The following UBR4 variants were observed in gnomAD, a reference collection of about 807,000 sequenced individuals.
UBR4 encodes the protein ubiquitin protein ligase E3 component n-recognin 4.
A neutral mutation model predicts 575.6 loss-of-function variants in UBR4; 124 were observed. The observed-to-expected ratio is 0.22, with a 90% CI of 0.19 to 0.25. The LOEUF is 0.25. Ranked by LOEUF, UBR4 falls within the 10% of genes least tolerant of loss-of-function variation. The pLI is 1.00. For synonymous variants in UBR4, 2,455 were observed against 2,473.7 expected, an observed-to-expected ratio of 0.99 and a Z score of 0.22; for missense variants, 4,818 against 6,478.8, an observed-to-expected ratio of 0.74 and a Z score of 8.80.
intron 76 of UBR4, 57 bp from the exon 77 acceptor site, chr1:19,113,884 A>G (rs768208517): frequency 7.4e-6 from 12 of 1,614,122 alleles, no homozygotes; most frequent in Non-Finnish European, 1.0e-5. Flanking sequence ...CTCACCTAGG[A>G]GGCAGTCTTC....
chr1:19,117,918 A>C lies in UBR4; in HGVS notation c.10542-8T>G. 1 of 1,612,916 alleles carries C rather than the reference A, an allele frequency of 6.2e-7. No homozygotes were observed. Among genetic ancestry groups the C allele is most frequent in the Non-Finnish European group, 8.5e-7 (1 of 1,178,836 alleles). On this transcript the variant is annotated splice_region_variant and splice_polypyrimidine_tract_variant and intron_variant, in intron 71 of 105. Transcript: ENST00000375254. This position sits in a 1 kb window ranked among gnomAD's most constrained non-coding sequence, Gnocchi z 4.0. ...ACTAAGCCAGACAAAGTGCTAAGGA[A>C]GAAACCAGTCTTAGCATGAACACAT...
chr1:19,092,415 G>T (rs575587230), intron 97 of UBR4, among the ~76,000 whole-genome samples: 5 of 152,272 alleles, frequency 3.3e-5, no homozygotes, highest in Admixed American at 3.3e-4. Flanking sequence ...TCAGCCCTGT[G>T]GGGAGAAATC....
At chr1:19,181,258 G>A (rs562351022) in intron 17 of UBR4, among the ~76,000 whole-genome samples, 6 of 152,018 alleles carry the variant, frequency 3.9e-5, no homozygotes, top group East Asian at 1.9e-4. Flanking sequence ...CGGACCAGCC[G>A]GGCATGATGG....
chr1:19,181,638 G>A (rs1405304804), intron 17 of UBR4, among the ~76,000 whole-genome samples: 1 of 151,992 alleles, frequency 6.6e-6, no homozygotes, highest in East Asian at 1.9e-4. Context: ...AATAGTACCT[G>A]GCACATAGTA....
intron 55 of UBR4, among the ~76,000 whole-genome samples, chr1:19,143,155 GGGAAA>G (rs1049063363): frequency 7.5e-5 from 10 of 133,476 alleles, no homozygotes; most frequent in Middle Eastern, 4.4e-3. Context: ...AAAGAAGGAA[GGGAAA>G]GGAAAGGAAG....
intron 97 of UBR4, among the ~76,000 whole-genome samples, chr1:19,092,093 T>C (rs2077570610): frequency 6.6e-6 from 1 of 151,866 alleles, no homozygotes; most frequent in Non-Finnish European, 1.5e-5. Context: ...CAGGGGCTTG[T>C]GGCAGGGGAG....
chr1:19,202,307 C>A (rs778679924), intron 1 of UBR4, among the ~76,000 whole-genome samples: 5 of 152,070 alleles, frequency 3.3e-5, no homozygotes, highest in Non-Finnish European at 7.4e-5. Context: ...CAAAGTCAAG[C>A]AGAACTAACG....
intron 97 of UBR4, among the ~76,000 whole-genome samples, chr1:19,090,710 C>T (rs56315117): frequency 6.6e-6 from 1 of 152,042 alleles, no homozygotes; most frequent in African/African-American, 2.4e-5. Context: ...AGATGTGTTG[C>T]AAGAAAAATG....
intron 5 of UBR4, among the ~76,000 whole-genome samples, 176 bp downstream of exon 5, chr1:19,198,362 CAGA>C (rs2092579392): frequency 1.3e-5 from 2 of 152,160 alleles, no homozygotes; most frequent in Non-Finnish European, 2.9e-5. Context: ...TAACCGTGGA[CAGA>C]AGAAGGAGTT....
Position 19,084,513 on chromosome 1 carries a change from A to T in UBR4, c.14999T>A (p.Val5000Asp). The change falls in exon 102 of 106, where the codon GTC becomes GAC. Residue 5000 changes from valine to aspartate, a missense_variant. Physicochemically the swap from Val to Asp is radical, Grantham distance 152 (BLOSUM62 -3). Transcript: ENST00000375254. ...GACACAGGGTACTGACGTGTTCAGGACGTAAAGCACAGTGTGAATGATGTA... is the reference window on the plus strand; with the variant it reads ...GACACAGGGTACTGACGTGTTCAGGTCGTAAAGCACAGTGTGAATGATGTA... ...IPYIIHTVLYVLNTTRATSRE... is the reference protein window; with the variant it reads ...IPYIIHTVLYDLNTTRATSRE... The T allele has an allele frequency of 6.2e-7, 1 of 1,611,606 alleles. No homozygotes were observed. Among genetic ancestry groups the T allele is most frequent in the Non-Finnish European group, 8.5e-7 (1 of 1,178,238 alleles).
chr1:19,079,547 T>C (rs2076281043), intron 103 of UBR4: 1 of 152,256 alleles, frequency 6.6e-6, no homozygotes, highest in South Asian at 2.1e-4. Flanking sequence ...GAATGTCAAG[T>C]GTGCAGAAGA....
intron 9 of UBR4, 22 bp from the exon 10 acceptor site, chr1:19,192,562 C>T (rs200627407): frequency 1.6e-5 from 26 of 1,613,532 alleles, no homozygotes; most frequent in Non-Finnish European, 2.0e-5. Context: ...CAAACAGACA[C>T]AAAAATCTGA....
At position 19,152,267 on chromosome 1, in the gene UBR4, G is replaced by C. The variant is rs1400121784; in HGVS notation, c.6996+46C>G. 3 of 1,606,858 alleles carry C rather than the reference G, an allele frequency of 1.9e-6. No homozygotes were observed. In the African/African-American group the frequency reaches 4.0e-5, roughly 21 times the overall value. ...GATGTGTTCTCAAACCATATTGTTTGAGTCCTTCTACCCAGGGATTGATCC... is the reference window on the plus strand; with the variant it reads ...GATGTGTTCTCAAACCATATTGTTTCAGTCCTTCTACCCAGGGATTGATCC... On this transcript the variant is annotated intron_variant, in intron 47 of 105. Transcript: ENST00000375254. This position sits in a 1 kb window ranked among gnomAD's most constrained non-coding sequence, Gnocchi z 4.4.
rs778873046 is a variant in UBR4, at chr1:19,130,918, A to AT, written c.8907-1845dup. Reference sequence around the variant, plus strand: ...ACATCATTCATTCATTCATTTTGTTATTTTTTTTTTGAGCCTGGGACACTC... The same window carrying AT: ...ACATCATTCATTCATTCATTTTGTTATTTTTTTTTTTGAGCCTGGGACACTC... On this transcript the variant is annotated intron_variant, in intron 60 of 105. Coordinates refer to ENST00000375254, the MANE Select transcript of UBR4 (RefSeq NM_020765.3). 7.4e-3 allele frequency among the ~76,000 whole-genome samples: 1,103 copies of AT among 149,676 alleles called. 21 individuals carry two copies. Among genetic ancestry groups the AT allele is most frequent in the African/African-American group, 0.026 (1,049 of 40,892 alleles).
chr1:19,163,943 C>T, intron 33 of UBR4, 116 bp from the exon 34 acceptor site: 1 of 1,165,420 alleles, frequency 8.6e-7, no homozygotes, highest in Non-Finnish European at 1.3e-6. Flanking sequence ...GAAGCAGAAG[C>T]ATTCTTAGAA....
Position 19,185,125 on chromosome 1 carries a change from G to C in UBR4, c.1912C>G (p.Leu638Val), listed in dbSNP as rs1278401506. 6.2e-7 allele frequency: 1 copy of C among 1,613,992 alleles called. No homozygotes were observed. Among genetic ancestry groups the C allele is most frequent in the Non-Finnish European group, 8.5e-7 (1 of 1,180,024 alleles). Residue 638 changes from leucine to valine, a missense_variant, in exon 15 of 106, where the codon CTG (leucine) becomes GTG (valine). Transcript: ENST00000375254. Reference protein sequence around the residue: ...KQAPGEKGNILASRKDPELFL... With the variant: ...KQAPGEKGNIVASRKDPELFL... ...AACTCAGGATCTTTGCGACTCGCCA[G>C]AATGTTGCCCTTCTCACCAGGGGCC...
At position 19,146,157 on chromosome 1, in the gene UBR4, G is replaced by A. The variant is rs372141968; in HGVS notation, c.7805-224C>T. ...ATTGTATGTTAGAATTAAGTAGAAC[G>A]GGGAGCATTTAGGATGTTTACCGCA... On this transcript the variant is annotated intron_variant, in intron 52 of 105. Transcript: ENST00000375254. 50 of 1,452,680 alleles carry A rather than the reference G, an allele frequency of 3.4e-5. No homozygotes were observed. In the East Asian group the frequency reaches 8.6e-4, roughly 25 times the overall value. The allele number at this position is 1,452,680 out of a possible 1,614,324, so 90.0% of individuals were successfully genotyped here.
intron 97 of UBR4, 37 bp downstream of exon 97, chr1:19,092,782 C>A: frequency 6.5e-7 from 1 of 1,542,698 alleles, no homozygotes; most frequent in Non-Finnish European, 8.9e-7. Flanking sequence ...TATACTTGTA[C>A]CCCTGTACCC....
chr1:19,115,299 T>C, intron 74 of UBR4, 99 bp downstream of exon 74: 1 of 1,497,372 alleles, frequency 6.7e-7, no homozygotes, highest in Non-Finnish European at 8.9e-7. Flanking sequence ...CTAAATGTTC[T>C]GAGGGAATCA....
Sources: allele counts gnomAD v4.1 joint callset (sites outside exome capture counted in the v4.1 genomes callset), GRCh38; gene constraint gnomAD v4.1.1; non-coding constraint Gnocchi (gnomAD v3.1); transcripts MANE v1.5; gene names NCBI Gene and HGNC (gene_info 2026-07-23, HGNC 2026-07-21).